CBX3: variants seen among roughly 807,000 people sequenced by gnomAD.
CBX3 encodes chromobox 3.
CBX3 carries 5 observed loss-of-function variants against 22.6 expected under a neutral mutation model. The observed-to-expected ratio is 0.22, with a 90% CI of 0.12 to 0.47. The LOEUF (loss-of-function observed/expected upper bound fraction) is 0.47, where lower values mean the gene tolerates loss of function less well. Among genes scored for constraint, CBX3 ranks in the 20% least tolerant of loss-of-function variants. The pLI, the probability that CBX3 is intolerant of heterozygous loss-of-function variation, is 0.99. For missense variants in CBX3, 83 were observed against 208.1 expected (o/e 0.40, Z 3.70); for synonymous variants, 50 against 66.6 (o/e 0.75, Z 1.21).
chr7:26,209,519 A>G (rs1235560801), intron 4 of CBX3, among the ~76,000 whole-genome samples: 1 of 152,246 alleles, frequency 6.6e-6, no homozygotes, highest in Non-Finnish European at 1.5e-5. Flanking sequence ...CTTTCTGATT[A>G]TAGTCCATCA....
chr7:26,212,399 A>G lies in CBX3; in HGVS notation c.*191A>G, dbSNP rs971975204. 8.2e-6 allele frequency: 2 copies of G among 243,294 alleles called. No homozygotes were observed. Among genetic ancestry groups the G allele is most frequent in the South Asian group, 3.5e-4 (2 of 5,680 alleles). The allele number at this position is 243,294 out of a possible 1,614,324, so 15.1% of individuals were successfully genotyped here. A position where few individuals can be genotyped will look rare whatever the true frequency, so the allele number is the denominator to read the frequency against. On this transcript the variant is annotated 3_prime_UTR_variant, in exon 6 of 6. Transcript: ENST00000396386. Reference sequence around the variant, plus strand: ...ATAGCACTGGTTACTTTGAACAAATAAATAAAAGCTTTCTGTAGTTGCTTC... The same window carrying G: ...ATAGCACTGGTTACTTTGAACAAATGAATAAAAGCTTTCTGTAGTTGCTTC...
At position 26,212,838 on chromosome 7, in the gene CBX3, C is replaced by T. The variant is rs1338205489; in HGVS notation, c.*630C>T. On this transcript the variant is annotated 3_prime_UTR_variant, in exon 6 of 6. Transcript: ENST00000396386. ...GATAATTTTAAAGTGTCTATAATTG[C>T]AGTGGTTTATTTGCAAAATTCCTAA... is the stretch of plus-strand genomic sequence containing the variant. 1.3e-5 allele frequency: 2 copies of T among 152,374 alleles called. No homozygotes were observed. The highest frequency in any genetic ancestry group is 1.9e-4 in the East Asian group (1 of 5,196). The allele number at this position is 152,374 out of a possible 1,614,324, so 9.4% of individuals were successfully genotyped here. A position where few individuals can be genotyped will look rare whatever the true frequency, so the allele number is the denominator to read the frequency against.
At chr7:26,211,078 TAAAAAAAA>T (rs74744309) in intron 4 of CBX3, among the ~76,000 whole-genome samples, 1 of 106,706 alleles carries the variant, frequency 9.4e-6, no homozygotes, top group East Asian at 2.3e-4. Context: ...GCTGATGAGC[TAAAAAAAA>T]AAAAAAAAAA....
chr7:26,212,222 T>C lies in CBX3; in HGVS notation c.*14T>C. ...GAAGCTCAATAATTGTTCACATTGT[T>C]CTTTTATATATATTTATATATATAT... On this transcript the variant is annotated 3_prime_UTR_variant, in exon 6 of 6. Coordinates refer to ENST00000396386, the MANE Select transcript of CBX3 (RefSeq NM_016587.4). 7.4e-7 allele frequency: 1 copy of C among 1,343,938 alleles called. No individual in the cohort carries two copies. The highest frequency in any genetic ancestry group is 9.7e-7 in the Non-Finnish European group (1 of 1,032,300). 83.3% of individuals were successfully genotyped at this position (1,343,938 alleles called of 1,614,324 possible). A position where few individuals can be genotyped will look rare whatever the true frequency, so the allele number is the denominator to read the frequency against.
At chr7:26,209,806 A>G (rs1017917057) in intron 4 of CBX3, 1 of 152,182 alleles carries the variant, frequency 6.6e-6, no homozygotes, top group African/African-American at 2.4e-5. Flanking sequence ...ATTTGGGGAA[A>G]CATCTTGGTG....
intron 4 of CBX3, 37 bp downstream of exon 4, chr7:26,208,592 G>T: frequency 6.5e-7 from 1 of 1,538,906 alleles, no homozygotes; most frequent in South Asian, 1.2e-5. Flanking sequence ...TTGTCCTTTT[G>T]TAAAAGGTTG....
chr7:26,207,905 C>T (rs1784715976), intron 3 of CBX3, among the ~76,000 whole-genome samples: 1 of 151,804 alleles, frequency 6.6e-6, no homozygotes. Context: ...TTTGGAGTCT[C>T]AGGGTAGCAA....
intron 2 of CBX3, among the ~76,000 whole-genome samples, chr7:26,204,151 A>G (rs577143001): frequency 1.4e-4 from 22 of 152,300 alleles, no homozygotes; most frequent in Middle Eastern, 3.4e-3. Context: ...AATATATACT[A>G]TAAAAGAAAA....
At chr7:26,208,007 T>A (rs1331647682) in intron 3 of CBX3, 1 of 153,568 alleles carries the variant, frequency 6.5e-6, no homozygotes, top group Non-Finnish European at 1.4e-5. Flanking sequence ...CACCAGGAAT[T>A]CAAGACCAGC....
chr7:26,206,209 A>G lies in CBX3; in HGVS notation c.25-159A>G, dbSNP rs1784672207. ...ACAAGATAAAGCATTCTTTTATTTT[A>G]TTGTCTGTTGACTTTTAATCTTTCC... On this transcript the variant is annotated intron_variant, in intron 2 of 5. Coordinates refer to ENST00000396386, the MANE Select transcript of CBX3 (RefSeq NM_016587.4). The G allele has an allele frequency of 1.6e-5, 9 of 565,892 alleles. No individual in the cohort carries two copies. In the East Asian group the frequency reaches 2.6e-4, roughly 17 times the overall value. The allele number at this position is 565,892 out of a possible 1,614,324, so 35.1% of individuals were successfully genotyped here.
chr7:26,210,855 CAA>C (rs1784789080), intron 4 of CBX3, among the ~76,000 whole-genome samples: 1 of 151,860 alleles, frequency 6.6e-6, no homozygotes, highest in Admixed American at 6.6e-5. Context: ...GAAGACAATC[CAA>C]AGTCACAAAT....
intron 4 of CBX3, among the ~76,000 whole-genome samples, chr7:26,209,264 C>T (rs971813938): frequency 1.3e-5 from 2 of 152,022 alleles, no homozygotes; most frequent in Middle Eastern, 3.2e-3. Flanking sequence ...GCCTCTTAAT[C>T]GTATTTTAAA....
chr7:26,208,192 C>G, intron 3 of CBX3: 2 of 410,562 alleles, frequency 4.9e-6, no homozygotes, highest in Non-Finnish European at 9.1e-6. Context: ...ACTGCACTCT[C>G]GTCTGGGCAA....
At chr7:26,202,074 C>T (rs962962480) in intron 1 of CBX3, 8 of 151,714 alleles carry the variant, frequency 5.3e-5, no homozygotes, top group Non-Finnish European at 1.2e-4. Flanking sequence ...GACGGTTGCC[C>T]CATTTCGAGA....
chr7:26,201,562 G>A (rs1784436971), upstream of CBX3: 1 of 151,466 alleles, frequency 6.6e-6, no homozygotes, highest in African/African-American at 2.4e-5. Context: ...GCCGCGAACG[G>A]TAAGTGCCGC....
chr7:26,202,903 C>G lies in CBX3; in HGVS notation c.-28-68C>G, dbSNP rs565791139. 2.4e-4 allele frequency: 233 copies of G among 984,094 alleles called. No individual in the cohort carries two copies. The East Asian group carries it at 3.6e-3, about 15-fold the overall frequency. 61.0% of individuals were successfully genotyped at this position (984,094 alleles called of 1,614,324 possible). A position where few individuals can be genotyped will look rare whatever the true frequency, so the allele number is the denominator to read the frequency against. On this transcript the variant is annotated intron_variant, in intron 1 of 5. Coordinates refer to ENST00000396386, the MANE Select transcript of CBX3 (RefSeq NM_016587.4). ...CTCTACTTGGGGGTTGGAATCCAAACAGAATTTGTATTTAGTTACCTTTTT... is the reference window on the plus strand; with the variant it reads ...CTCTACTTGGGGGTTGGAATCCAAAGAGAATTTGTATTTAGTTACCTTTTT...
chr7:26,210,931 C>A (rs560675256), intron 4 of CBX3, among the ~76,000 whole-genome samples: 2 of 152,198 alleles, frequency 1.3e-5, no homozygotes, highest in South Asian at 4.2e-4. Context: ...CCCAGTGAAT[C>A]CGTAGACCAC....
chr7:26,212,279 AGT>A lies in CBX3; in HGVS notation c.*75_*76del. On this transcript the variant is annotated 3_prime_UTR_variant, in exon 6 of 6. Transcript: ENST00000396386. ...ATTGGGTCTTAGATTTTGATTTACT[AGT>A]GTGACAAAATAACTACATCCTAATG... 2 of 922,434 alleles carry A rather than the reference AGT, an allele frequency of 2.2e-6. No homozygotes were observed. The highest frequency in any genetic ancestry group is 2.8e-6 in the Non-Finnish European group (2 of 718,658). The allele number at this position is 922,434 out of a possible 1,614,324, so 57.1% of individuals were successfully genotyped here. A position where few individuals can be genotyped will look rare whatever the true frequency, so the allele number is the denominator to read the frequency against.
At chr7:26,204,916 A>C (rs764949129) in intron 2 of CBX3, among the ~76,000 whole-genome samples, 4 of 152,120 alleles carry the variant, frequency 2.6e-5, no homozygotes, top group African/African-American at 7.2e-5. Flanking sequence ...CAGCCTCCCA[A>C]GTAGCTGGGA....
Sources: allele counts gnomAD v4.1 joint callset (sites outside exome capture counted in the v4.1 genomes callset), GRCh38; gene constraint gnomAD v4.1.1; transcripts MANE v1.5; gene names NCBI Gene and HGNC (gene_info 2026-07-23, HGNC 2026-07-21).